The following KARS1 variants were observed in gnomAD, a reference collection of about 807,000 sequenced individuals.
KARS1 encodes lysyl-tRNA synthetase 1, also known as lysine--tRNA ligase.
KARS1 carries 50 observed loss-of-function variants against 63.9 expected under a neutral mutation model. That is an observed-to-expected ratio of 0.78 (90% CI 0.62 to 0.99). The LOEUF is 0.99. Ranked by LOEUF, KARS1 falls within the 50% of genes least tolerant of loss-of-function variation. The pLI is 0.00. For synonymous variants in KARS1, 320 were observed against 264.6 expected (o/e 1.21, Z -2.03); for missense variants, 816 against 754.5 (o/e 1.08, Z -0.95).
chr16:75,646,318 G>A (rs543219184), intron 1 of KARS1, among the ~76,000 whole-genome samples: 2 of 152,222 alleles, frequency 1.3e-5, no homozygotes, highest in East Asian at 1.9e-4. Flanking sequence ...CAAGGTGGGC[G>A]GATCACAAGG....
At chr16:75,644,149 T>A (rs2082254825) in intron 1 of KARS1, 2 of 684,000 alleles carry the variant, frequency 2.9e-6, no homozygotes, top group Admixed American at 5.5e-5. Flanking sequence ...GAAAGGACTA[T>A]TGGTTTTGGT....
chr16:75,647,590 T>G lies in KARS1; in HGVS notation c.50A>C (p.Lys17Thr), dbSNP rs1402122101. ...AEVKVDGSEP[K>T]LSKNELKRRL... is the part of the protein sequence containing the mutation. ...CAGCGACACTCACTTCTTGCTCAGT[T>G]TCGGCTCGCTGCCATCCACTTTCAC... Residue 17 changes from lysine to threonine, a missense_variant, in exon 1 of 14, where the codon AAA (lysine) becomes ACA (threonine). By Grantham distance (78) the Lys-to-Thr change is moderately conservative (BLOSUM62 -1). Transcript: ENST00000302445. 2 of 1,613,260 alleles carry G rather than the reference T, an allele frequency of 1.2e-6. No individual in the cohort carries two copies. Among genetic ancestry groups the G allele is most frequent in the African/African-American group, 1.3e-5 (1 of 74,938 alleles).
Position 75,635,972 on chromosome 16 carries a change from G to A in KARS1, c.609C>T (p.Ile203=). 2 of 1,614,164 alleles carry A rather than the reference G, an allele frequency of 1.2e-6. No homozygotes were observed. The highest frequency in any genetic ancestry group is 2.2e-5 in the East Asian group (1 of 44,880). ...TATGCAAACAGGGAGACAGCAGTGT[G>A]ATCTCATACGGAATGATGCTCAGCT... is the stretch of plus-strand genomic sequence containing the variant. ...KGELSIIPYE[I]TLLSPCLHML... is the part of the protein sequence containing the mutation. Residue 203 remains isoleucine, a synonymous_variant, in exon 5 of 14, where the codon ATC becomes ATT. Coordinates refer to ENST00000302445, the MANE Select transcript of KARS1 (RefSeq NM_005548.3).
chr16:75,645,469 C>A (rs77547020), intron 1 of KARS1, among the ~76,000 whole-genome samples: 2 of 152,106 alleles, frequency 1.3e-5, no homozygotes, highest in African/African-American at 4.8e-5. Context: ...ATTACTGACA[C>A]TAGACAGAAA....
intron 1 of KARS1, among the ~76,000 whole-genome samples, chr16:75,642,988 C>T (rs1201463640): frequency 6.6e-6 from 1 of 152,206 alleles, no homozygotes; most frequent in African/African-American, 2.4e-5. Context: ...CCTTTACTCT[C>T]TGTGCCTCAT....
At chr16:75,629,291 A>AG in intron 12 of KARS1, 124 bp downstream of exon 12, 1 of 1,166,298 alleles carries the variant, frequency 8.6e-7, no homozygotes, top group Non-Finnish European at 1.2e-6. Context: ...CTCCTCCAGC[A>AG]AGCCTATGGC....
In KARS1 at chr16:75,631,776, T is replaced by C. The variant is rs1365142493; in HGVS notation, c.995A>G (p.Asn332Ser). Reference sequence around the variant, plus strand: ...GAACTCACAGGTGGTGAACTCAGGATTGTGCGTCAAATCAATCCCCTCATT... The same window carrying C: ...GAACTCACAGGTGGTGAACTCAGGACTGTGCGTCAAATCAATCCCCTCATT... The part of the protein sequence containing the change: ...FRNEGIDLTH[N>S]PEFTTCEFYM... Residue 332 changes from asparagine (N) to serine (S), a missense_variant, in exon 8 of 14, where the codon AAT (asparagine) becomes AGT (serine). Physicochemically the swap from Asn to Ser is conservative, Grantham distance 46. Transcript: ENST00000302445. 1.2e-6 allele frequency: 2 copies of C among 1,614,080 alleles called. No individual in the cohort carries two copies. Among genetic ancestry groups the C allele is most frequent in the Non-Finnish European group, 1.7e-6 (2 of 1,180,036 alleles).
At position 75,636,480 on chromosome 16, in the gene KARS1, C is replaced by T. The variant is rs772250509; in HGVS notation, c.456G>A (p.Val152=). The T allele has an allele frequency of 3.1e-6, 5 of 1,613,136 alleles. No homozygotes were observed. In the South Asian group the frequency reaches 3.3e-5, roughly 11 times the overall value. The part of the protein sequence containing the change: ...LIFYDLRGEG[V]KLQVMANSRN... ...TGGAATTGGCCATGACTTGCAACTT[C>T]ACCCCCTCTCCTCGAAGATCATAGA... The change falls in exon 4 of 14, where the codon GTG becomes GTA. Residue 152 remains valine, a synonymous_variant. Transcript: ENST00000302445.
At chr16:75,645,647 C>T (rs375349155) in intron 1 of KARS1, among the ~76,000 whole-genome samples, 64 of 151,976 alleles carry the variant, frequency 4.2e-4, no homozygotes, top group African/African-American at 1.5e-3. Flanking sequence ...AGCAGTTTGA[C>T]GCCAGCCTGG....
At chr16:75,644,368 C>A (rs776592129) in intron 1 of KARS1, 18 of 1,612,348 alleles carry the variant, frequency 1.1e-5, no homozygotes, top group Non-Finnish European at 1.4e-5. Flanking sequence ...TGACCCCACT[C>A]TGCCCAGGAG....
chr16:75,636,028 G>A lies in KARS1; in HGVS notation c.553C>T (p.Gln185Ter). ...TTCTTGGTTTTACCAGGATTCCCCT[G>A]AACTCCAATTATGTCTCCCCGACGC... The part of the protein sequence containing the change: ...KLRRGDIIGV[Q>*]GNPGKTKKGE... Residue 185 changes from glutamine to a stop codon, truncating the protein, a stop_gained, in exon 5 of 14, where the codon CAG (glutamine) becomes TAG (stop). Transcript: ENST00000302445. LOFTEE classifies it high-confidence loss of function. 6.2e-7 allele frequency: 1 copy of A among 1,611,600 alleles called. No homozygotes were observed. Among genetic ancestry groups the A allele is most frequent in the Non-Finnish European group, 8.5e-7 (1 of 1,177,722 alleles).
chr16:75,637,474 C>T (rs2082174416), intron 3 of KARS1, among the ~76,000 whole-genome samples: 1 of 151,876 alleles, frequency 6.6e-6, no homozygotes, highest in Non-Finnish European at 1.5e-5. Context: ...GTGAGGGTTG[C>T]ATTAAGAAGA....
intron 13 of KARS1, among the ~76,000 whole-genome samples, chr16:75,628,252 T>C (rs1052753147): frequency 3.9e-5 from 6 of 152,258 alleles, no homozygotes; most frequent in African/African-American, 1.4e-4. Context: ...TTTGATTTCC[T>C]CATCTATAAA....
chr16:75,631,868 C>G lies in KARS1; in HGVS notation c.916-13G>C, dbSNP rs1485914432. ...CAACCACAAGCATCTAACAACAACA[C>G]ATGGCCACGGTCATGACAGCTAATC... On this transcript the variant is annotated splice_polypyrimidine_tract_variant and intron_variant, in intron 7 of 13. Coordinates refer to ENST00000302445, the MANE Select transcript of KARS1 (RefSeq NM_005548.3). 6 of 1,613,630 alleles carry G rather than the reference C, an allele frequency of 3.7e-6. No homozygotes were observed. The highest frequency in any genetic ancestry group is 5.1e-6 in the Non-Finnish European group (6 of 1,180,020).
rs916922696 is a variant in KARS1 at position 75,628,607 on chromosome 16, G to C, written c.1657C>G (p.Arg553Gly). Reference protein sequence around the residue: ...PTAGWGMGIDRVAMFLTDSNN... With the variant: ...PTAGWGMGIDGVAMFLTDSNN... ...GAGTCCGTGAGAAACATGGCGACTC[G>C]ATCAATGCCCATGCCCCAGCCAGCT... is the stretch of plus-strand genomic sequence containing the variant. The change falls in exon 13 of 14, where the codon CGA (arginine) becomes GGA (glycine). Residue 553 changes from arginine to glycine, a missense_variant. By Grantham distance (125) the Arg-to-Gly change is moderately radical. Transcript: ENST00000302445. 9 of 1,613,954 alleles carry C rather than the reference G, an allele frequency of 5.6e-6. No homozygotes were observed. Among genetic ancestry groups the C allele is most frequent in the African/African-American group, 1.3e-5 (1 of 74,924 alleles).
In KARS1 at chr16:75,635,923, G is replaced by C; in HGVS notation, c.658C>G (p.Leu220Val). 1 of 1,614,162 alleles carries C rather than the reference G, an allele frequency of 6.2e-7. No individual in the cohort carries two copies. Among genetic ancestry groups the C allele is most frequent in the Non-Finnish European group, 8.5e-7 (1 of 1,180,010 alleles). ...LHMLPHLHFG[L>V]KDKETRYRQR... is the part of the protein sequence containing the mutation. ...CCAAGAACGCTTACCTTGTCTTTGA[G>C]GCCAAAGTGAAGATGAGGTAACATA... Residue 220 changes from leucine (L) to valine (V), a missense_variant, in exon 5 of 14, where the codon CTC (leucine) becomes GTC (valine). By Grantham distance (32) the Leu-to-Val change is conservative. Transcript: ENST00000302445.
At chr16:75,635,595 T>TA in intron 6 of KARS1, 85 bp downstream of exon 6, 1 of 1,436,146 alleles carries the variant, frequency 7.0e-7, no homozygotes, top group East Asian at 2.3e-5. Flanking sequence ...TGACACAGGA[T>TA]ACGCTTTGGA....
chr16:75,630,086 T>C (rs1322280561), intron 11 of KARS1, among the ~76,000 whole-genome samples: 1 of 152,226 alleles, frequency 6.6e-6, no homozygotes, highest in Non-Finnish European at 1.5e-5. Context: ...CAATGGGTTA[T>C]CACCAGAGGC....
At chr16:75,638,226 T>A (rs1428180923) in intron 3 of KARS1, among the ~76,000 whole-genome samples, 4 of 152,108 alleles carry the variant, frequency 2.6e-5, no homozygotes, top group South Asian at 4.1e-4. Flanking sequence ...CCTTTTTTTT[T>A]TTTTATTTTA....
Sources: gnomAD v4.1 joint callset for allele counts (sites outside exome capture counted in the v4.1 genomes callset) on GRCh38, gnomAD v4.1.1 for gene constraint, MANE v1.5 for transcripts, NCBI Gene and HGNC (gene_info 2026-07-23, HGNC 2026-07-21) for gene names.